PIBF1: variants seen among roughly 807,000 people sequenced by gnomAD.
PIBF1 encodes the protein progesterone immunomodulatory binding factor 1, also known as progesterone-induced-blocking factor 1.
A neutral mutation model predicts 112.5 loss-of-function variants in PIBF1; 90 were observed. That is an observed-to-expected ratio of 0.80 (90% CI 0.67 to 0.95). The LOEUF is 0.95. Ranked by LOEUF, PIBF1 falls within the 40% of genes least tolerant of loss-of-function variation. The pLI is 0.00. For synonymous variants in PIBF1, 301 were observed against 288.6 expected (o/e 1.04, Z -0.44); for missense variants, 915 against 852.3 (o/e 1.07, Z -0.92).
chr13:72,834,551 C>T (rs914233953), intron 8 of PIBF1, among the ~76,000 whole-genome samples: 3 of 152,170 alleles, frequency 2.0e-5, no homozygotes, highest in East Asian at 1.9e-4. Flanking sequence ...GGCTTGAGCC[C>T]AGGAGTTCGG....
rs768857110 is a variant in PIBF1 at position 72,917,059 on chromosome 13, A to G, written c.1640-17A>G. 7 of 1,480,592 alleles carry G rather than the reference A, an allele frequency of 4.7e-6. No individual in the cohort carries two copies. The highest frequency in any genetic ancestry group is 6.5e-6 in the Non-Finnish European group (7 of 1,081,638). 91.7% of individuals were successfully genotyped at this position (1,480,592 alleles called of 1,614,324 possible). A position where few individuals can be genotyped will look rare whatever the true frequency, so the allele number is the denominator to read the frequency against. ...AAAATAAAGTTATTTCACATTATAC[A>G]CTTTAATATTTTCCAGTTGAAAATG... On this transcript the variant is annotated splice_polypyrimidine_tract_variant and intron_variant, in intron 12 of 17. Coordinates refer to ENST00000326291, the MANE Select transcript of PIBF1 (RefSeq NM_006346.4).
chr13:72,980,531 A>G (rs1256999231), intron 16 of PIBF1, among the ~76,000 whole-genome samples: 3 of 152,238 alleles, frequency 2.0e-5, no homozygotes, highest in African/African-American at 4.8e-5. Context: ...ACGGTGGCTC[A>G]TGCCTGTAAT....
intron 6 of PIBF1, among the ~76,000 whole-genome samples, chr13:72,824,561 C>G (rs571555058): frequency 6.6e-5 from 10 of 151,460 alleles, no homozygotes; most frequent in African/African-American, 2.0e-4. Context: ...TAAATATATC[C>G]TTTTTGGGAA....
At chr13:73,008,637 A>C (rs2044109245) in intron 17 of PIBF1, among the ~76,000 whole-genome samples, 1 of 152,204 alleles carries the variant, frequency 6.6e-6, no homozygotes, top group Non-Finnish European at 1.5e-5. Flanking sequence ...ATAAACCGAC[A>C]AACAAAAAAA....
chr13:72,890,964 C>A (rs562086267), intron 10 of PIBF1, among the ~76,000 whole-genome samples: 1 of 152,128 alleles, frequency 6.6e-6, no homozygotes, highest in African/African-American at 2.4e-5. Flanking sequence ...TTAGAATTAC[C>A]ATTTCATTTT....
Position 72,878,014 on chromosome 13 carries a change from G to T in PIBF1, c.1323-15770G>T, listed in dbSNP as rs182308470. On this transcript the variant is annotated intron_variant, in intron 10 of 17. Coordinates refer to ENST00000326291, the MANE Select transcript of PIBF1 (RefSeq NM_006346.4). The stretch of plus-strand genomic sequence containing the variant: ...TCCGCCCACCTCGGCCTCCCAAAGT[G>T]CTGGGATTACAGGTGTAAGTCACCA... 2.0e-3 allele frequency among the ~76,000 whole-genome samples: 309 copies of T among 152,118 alleles called. 1 individual carries two copies. The highest frequency in any genetic ancestry group is 7.1e-3 in the African/African-American group (293 of 41,496).
chr13:72,809,820 C>G (rs986112106), intron 5 of PIBF1, among the ~76,000 whole-genome samples: 11 of 151,984 alleles, frequency 7.2e-5, no homozygotes, highest in Admixed American at 2.0e-4. Flanking sequence ...AACTCCTGAC[C>G]TCAAGCGATC....
intron 6 of PIBF1, among the ~76,000 whole-genome samples, chr13:72,824,813 CAA>C (rs1278444364): frequency 6.6e-6 from 1 of 152,170 alleles, no homozygotes; most frequent in Admixed American, 6.5e-5. Flanking sequence ...ACCTAGTGAT[CAA>C]AGTTACTATC....
chr13:72,804,204 A>G (rs2035616522), intron 5 of PIBF1, among the ~76,000 whole-genome samples: 2 of 152,140 alleles, frequency 1.3e-5, no homozygotes, highest in Non-Finnish European at 2.9e-5. Context: ...ATAGTGGGAG[A>G]AAAAATAATA....
intron 14 of PIBF1, among the ~76,000 whole-genome samples, chr13:72,944,151 G>A (rs1408653607): frequency 1.3e-5 from 2 of 152,008 alleles, no homozygotes; most frequent in South Asian, 2.1e-4. Context: ...GCCTATATAG[G>A]AGTATTCAGA....
At chr13:72,868,185 C>T (rs571501178) in intron 10 of PIBF1, among the ~76,000 whole-genome samples, 157 of 152,164 alleles carry the variant, frequency 1.0e-3, no homozygotes, top group Middle Eastern at 6.8e-3. Context: ...CCTATAATCT[C>T]AGCTCCTCAG....
intron 2 of PIBF1, 66 bp downstream of exon 2, chr13:72,783,787 A>C (rs574505615): frequency 7.6e-7 from 1 of 1,322,030 alleles, no homozygotes; most frequent in Non-Finnish European, 1.1e-6. Flanking sequence ...GTAAATAAGA[A>C]TTAAATACAC....
At chr13:72,796,288 T>C (rs1383819623) in intron 4 of PIBF1, among the ~76,000 whole-genome samples, 1 of 152,126 alleles carries the variant, frequency 6.6e-6, no homozygotes, top group Non-Finnish European at 1.5e-5. Flanking sequence ...GTCGTTTTGA[T>C]CTTGTGAATT....
intron 8 of PIBF1, 25 bp from the exon 9 acceptor site, chr13:72,835,218 G>A: frequency 6.6e-7 from 1 of 1,509,530 alleles, no homozygotes; most frequent in African/African-American, 1.4e-5. Context: ...GAAAATTTAT[G>A]GTTGTTCCTT....
chr13:72,892,809 C>T (rs886545602), intron 10 of PIBF1, among the ~76,000 whole-genome samples: 5 of 146,592 alleles, frequency 3.4e-5, no homozygotes, highest in Non-Finnish European at 4.5e-5. Flanking sequence ...CACACACACA[C>T]GCACACGCAC....
At chr13:72,807,258 C>T (rs1566295122) in intron 5 of PIBF1, among the ~76,000 whole-genome samples, 1 of 151,884 alleles carries the variant, frequency 6.6e-6, no homozygotes, top group Non-Finnish European at 1.5e-5. Flanking sequence ...TAAATCCAAT[C>T]TTATTCATTA....
intron 16 of PIBF1, among the ~76,000 whole-genome samples, chr13:72,977,722 T>C (rs917323364): frequency 5.9e-5 from 9 of 152,218 alleles, no homozygotes; most frequent in Non-Finnish European, 1.3e-4. Flanking sequence ...CTCAAAAATA[T>C]TAGCTTAAAA....
chr13:72,846,985 C>G (rs1157566623), intron 9 of PIBF1, among the ~76,000 whole-genome samples: 1 of 152,108 alleles, frequency 6.6e-6, no homozygotes, highest in African/African-American at 2.4e-5. Context: ...TAGATGAAAA[C>G]CTACTCAAAG....
At chr13:72,786,869 G>GA (rs2034626433) in intron 2 of PIBF1, among the ~76,000 whole-genome samples, 1 of 152,084 alleles carries the variant, frequency 6.6e-6, no homozygotes, top group Non-Finnish European at 1.5e-5. Context: ...ACCTATTGTA[G>GA]AGTTAGCCTT....
Sources: allele counts gnomAD v4.1 joint callset (sites outside exome capture counted in the v4.1 genomes callset), GRCh38; gene constraint gnomAD v4.1.1; transcripts MANE v1.5; gene names NCBI Gene and HGNC (gene_info 2026-07-23, HGNC 2026-07-21).